ALAS2: variants seen among roughly 807,000 people sequenced by gnomAD.
ALAS2 encodes the protein 5'-aminolevulinate synthase 2.
In ALAS2, 3 loss-of-function variants were observed where a neutral mutation model predicts 33.7. The ratio of observed to expected loss-of-function variants is 0.09; its 90% CI spans 0.04 to 0.23. ALAS2 has a LOEUF of 0.23. Ranked by LOEUF, ALAS2 falls within the 10% of genes least tolerant of loss-of-function variation. The probability of loss-of-function intolerance (pLI) is 1.00; values close to 1 mark genes in which losing one functional copy is unlikely to be tolerated. For synonymous variants in ALAS2, 191 were observed against 177.3 expected, an observed-to-expected ratio of 1.08 and a Z score of -0.61; for missense variants, 304 against 475.1, an observed-to-expected ratio of 0.64 and a Z score of 3.35.
At position 55,025,953 on chromosome X, in the gene ALAS2, C is replaced by G; in HGVS notation, c.48G>C (p.Arg16=). Residue 16 remains arginine, a synonymous_variant, in exon 2 of 11, where the codon CGG becomes CGC. Transcript: ENST00000650242. The part of the protein sequence containing the change: ...MLLQCCPVLA[R]GPTSLLGKVV... ...CCTTGCCTAGGAGGCTTGTGGGGCC[C>G]CGGGCAAGCACTGGGCAGCACTGTA... 5 of 1,211,317 alleles carry G rather than the reference C, an allele frequency of 4.1e-6. No homozygotes were observed. The highest frequency in any genetic ancestry group is 5.6e-6 in the Non-Finnish European group (5 of 895,391).
chrX:55,015,044 C>A, intron 8 of ALAS2, 29 bp from the exon 9 acceptor site: 1 of 1,198,645 alleles, frequency 8.3e-7, no homozygotes, highest in Non-Finnish European at 1.1e-6. Flanking sequence ...AAGATATACA[C>A]AGATCCCATA....
chrX:55,020,585 G>T, intron 5 of ALAS2, 81 bp from the exon 6 acceptor site: 1 of 946,314 alleles, frequency 1.1e-6, no homozygotes, highest in Non-Finnish European at 1.5e-6. Flanking sequence ...TCTCTTCCTT[G>T]ATGGGAGTCA....
intron 10 of ALAS2, among the ~76,000 whole-genome samples, chrX:55,010,177 C>T (rs1255085523): frequency 9.0e-6 from 1 of 111,688 alleles, no homozygotes; most frequent in African/African-American, 3.3e-5. Flanking sequence ...ACCCTTGGCT[C>T]TACCTTCAAA....
chrX:55,030,087 T>A (rs1441699432), intron 1 of ALAS2, among the ~76,000 whole-genome samples: 1 of 110,469 alleles, frequency 9.1e-6, no homozygotes, highest in Non-Finnish European at 1.9e-5. Flanking sequence ...CATGAAAGAA[T>A]CATACAGAAC....
rs765390697 is a variant in ALAS2, at chrX:55,020,465, G to T, written c.678C>A (p.Thr226=). ...ACTTACTGGTGCCTGAGATGTTGCG[G>T]GTGCCACCAGCTCCAGCACCATGAC... ...LQRHGAGAGG[T]RNISGTSKFH... The change falls in exon 6 of 11, where the codon ACC becomes ACA. Residue 226 remains threonine (T), a synonymous_variant. Coordinates refer to ENST00000650242, the MANE Select transcript of ALAS2 (RefSeq NM_000032.5). 1 of 1,183,780 alleles carries T rather than the reference G, an allele frequency of 8.4e-7. No homozygotes were observed. The highest frequency in any genetic ancestry group is 1.1e-6 in the Non-Finnish European group (1 of 881,211).
intron 9 of ALAS2, among the ~76,000 whole-genome samples, chrX:55,013,929 A>C (rs1295680137): frequency 9.0e-6 from 1 of 111,073 alleles, no homozygotes; most frequent in Non-Finnish European, 1.9e-5. Flanking sequence ...CTAATATCTT[A>C]GTTTGGGATG....
chrX:55,012,799 A>C (rs1447653489), intron 10 of ALAS2, among the ~76,000 whole-genome samples: 1 of 112,075 alleles, frequency 8.9e-6, no homozygotes, highest in Non-Finnish European at 1.9e-5. Context: ...TCTCAAAAAA[A>C]CAAAAACAAA....
intron 6 of ALAS2, among the ~76,000 whole-genome samples, chrX:55,019,633 C>T (rs1935765974): frequency 9.0e-6 from 1 of 111,363 alleles, no homozygotes; most frequent in African/African-American, 3.3e-5. Flanking sequence ...GTCTGAGCAA[C>T]TGTATGAGCC....
intron 10 of ALAS2, 88 bp downstream of exon 10, chrX:55,013,398 C>G: frequency 1.0e-6 from 1 of 984,975 alleles, no homozygotes. Context: ...ATTTTGTAAA[C>G]TCAGTGGTCT....
intron 1 of ALAS2, chrX:55,027,882 T>C (rs1275951346): frequency 3.3e-6 from 3 of 903,618 alleles, no homozygotes; most frequent in Non-Finnish European, 4.9e-6. Context: ...GACAGAAGGG[T>C]TGTTGGAGGG....
chrX:55,021,381 C>T (rs1037997151), intron 4 of ALAS2, 107 bp from the exon 5 acceptor site: 5 of 636,548 alleles, frequency 7.9e-6, no homozygotes, highest in Non-Finnish European at 1.0e-5. Flanking sequence ...TCTTTTTCCA[C>T]ATATTCATTT....
chrX:55,018,902 A>G (rs1935751112), intron 6 of ALAS2, among the ~76,000 whole-genome samples: 1 of 111,627 alleles, frequency 9.0e-6, no homozygotes, highest in Non-Finnish European at 1.9e-5. Flanking sequence ...GGATGCTGGC[A>G]GTAGAGATGG....
At chrX:55,029,065 T>C (rs1444103222) in intron 1 of ALAS2, among the ~76,000 whole-genome samples, 3 of 112,176 alleles carry the variant, frequency 2.7e-5, no homozygotes, top group African/African-American at 9.7e-5. Flanking sequence ...GAGTAAACAG[T>C]AAAAAAGTGT....
chrX:55,019,457 G>C (rs1935761400), intron 6 of ALAS2, among the ~76,000 whole-genome samples: 1 of 111,318 alleles, frequency 9.0e-6, no homozygotes, highest in Admixed American at 9.6e-5. Context: ...AGAACATGAA[G>C]TTGTCTGCTG....
intron 1 of ALAS2, 70 bp from the exon 2 acceptor site, chrX:55,026,085 G>A (rs772598602): frequency 6.7e-5 from 68 of 1,020,944 alleles, no homozygotes; most frequent in South Asian, 1.6e-4. Context: ...TTTGATCCTC[G>A]TCTTCAGCTT....
intron 2 of ALAS2, among the ~76,000 whole-genome samples, chrX:55,025,366 G>T (rs775569657): frequency 2.7e-5 from 3 of 111,090 alleles, no homozygotes; most frequent in African/African-American, 9.8e-5. Flanking sequence ...ACAGATTCTC[G>T]CTCTGTTGCC....
chrX:55,015,840 A>T (rs1217371558), intron 7 of ALAS2, 98 bp from the exon 8 acceptor site: 2 of 989,088 alleles, frequency 2.0e-6, no homozygotes, highest in African/African-American at 1.9e-5. Flanking sequence ...TGGGTTGGAA[A>T]AGGGTGTTGT....
At chrX:55,017,200 A>T (rs747415326) in intron 7 of ALAS2, among the ~76,000 whole-genome samples, 1 of 112,143 alleles carries the variant, frequency 8.9e-6, no homozygotes, top group Non-Finnish European at 1.9e-5. Flanking sequence ...TGAATGTAAT[A>T]GCTGCCTCCA....
At chrX:55,019,849 T>C (rs745883052) in intron 6 of ALAS2, among the ~76,000 whole-genome samples, 14 of 111,821 alleles carry the variant, frequency 1.3e-4, no homozygotes, top group African/African-American at 4.6e-4. Flanking sequence ...GAGGCAAGGC[T>C]AGATAAACAA....
Sources: allele counts gnomAD v4.1 joint callset (sites outside exome capture counted in the v4.1 genomes callset), GRCh38; gene constraint gnomAD v4.1.1; transcripts MANE v1.5; gene names NCBI Gene and HGNC (gene_info 2026-07-23, HGNC 2026-07-21).